Variants in PEAK1 observed in about 807,000 individuals in gnomAD.
PEAK1 encodes inactive tyrosine-protein kinase PEAK1.
PEAK1 carries 54 observed loss-of-function variants against 124.7 expected under a neutral mutation model. That is an observed-to-expected ratio of 0.43 (90% confidence interval 0.35 to 0.54). The LOEUF is 0.54. Among genes scored for constraint, PEAK1 ranks in the 20% least tolerant of loss-of-function variants. The probability of loss-of-function intolerance (pLI) is 0.01; values close to 1 mark genes in which losing one functional copy is unlikely to be tolerated. For synonymous variants in PEAK1, 719 were observed against 760.0 expected (o/e 0.95, Z 0.89); for missense variants, 2,046 against 2,134.5 (o/e 0.96, Z 0.82).
intron 1 of PEAK1, among the ~76,000 whole-genome samples, chr15:77,407,942 T>TAC (rs1372567777): frequency 5.1e-4 from 42 of 81,648 alleles, no homozygotes; most frequent in East Asian, 4.6e-3. Flanking sequence ...CACACATATA[T>TAC]ACACATATAC....
intron 5 of PEAK1, among the ~76,000 whole-genome samples, chr15:77,267,536 G>T (rs1343299360): frequency 6.6e-6 from 1 of 152,134 alleles, no homozygotes; most frequent in Non-Finnish European, 1.5e-5. Flanking sequence ...CACATCATAA[G>T]ACTCTTTGCA....
chr15:77,336,893 GAA>G (rs1156406027), intron 2 of PEAK1, among the ~76,000 whole-genome samples: 2 of 136,052 alleles, frequency 1.5e-5, no homozygotes. Context: ...AGGGCTAAAT[GAA>G]AAAAAAAAAG....
Position 77,260,182 on chromosome 15 carries a change from T to A in PEAK1, c.-274-7656A>T, listed in dbSNP as rs549066613. Among the ~76,000 whole-genome samples, 48 of 152,230 alleles carry A rather than the reference T, an allele frequency of 3.2e-4. No homozygotes were observed. In the South Asian group the frequency reaches 9.8e-3, roughly 31 times the overall value. ...TCCCCAGAAGGGACAAATCACTGAG[T>A]GAGGGGCCCTAGAATAAAGGCCACT... On this transcript the variant is annotated intron_variant, in intron 5 of 9. Transcript: ENST00000682557.
chr15:77,358,879 C>A (rs1388335239), intron 2 of PEAK1, among the ~76,000 whole-genome samples: 1 of 152,164 alleles, frequency 6.6e-6, no homozygotes, highest in Non-Finnish European at 1.5e-5. Context: ...TGTATCTATT[C>A]TATCTGAGGA....
At chr15:77,201,474 G>A (rs1333197843) in intron 6 of PEAK1, among the ~76,000 whole-genome samples, 4 of 151,882 alleles carry the variant, frequency 2.6e-5, no homozygotes, top group Non-Finnish European at 4.4e-5. Flanking sequence ...TCCTGACCTC[G>A]TGATCCTCCT....
At chr15:77,273,289 T>G (rs981796272) in intron 5 of PEAK1, among the ~76,000 whole-genome samples, 1 of 151,924 alleles carries the variant, frequency 6.6e-6, no homozygotes, top group Non-Finnish European at 1.5e-5. Flanking sequence ...GAGAAAGAAA[T>G]AAAGGGCAGC....
intron 2 of PEAK1, chr15:77,337,750 G>C: frequency 2.0e-6 from 2 of 985,328 alleles, no homozygotes; most frequent in Non-Finnish European, 2.4e-6. Context: ...ACTAGAAGAA[G>C]AGCTGGGGAG....
intron 6 of PEAK1, among the ~76,000 whole-genome samples, chr15:77,197,414 T>C (rs969271183): frequency 2.6e-5 from 4 of 152,188 alleles, no homozygotes; most frequent in African/African-American, 7.2e-5. Context: ...TTGGACATAA[T>C]TGAAAGTCCA....
chr15:77,158,321 T>C, intron 8 of PEAK1, 182 bp downstream of exon 8: 1 of 598,670 alleles, frequency 1.7e-6, no homozygotes, highest in East Asian at 2.8e-5. Context: ...TGGGTGCAGG[T>C]GTTTAATACA....
chr15:77,418,415 C>T, intron 1 of PEAK1: 1 of 985,362 alleles, frequency 1.0e-6, no homozygotes, highest in Non-Finnish European at 1.2e-6. Flanking sequence ...TTCCCTTTCC[C>T]CCCCGACAGC....
intron 6 of PEAK1, among the ~76,000 whole-genome samples, chr15:77,182,749 C>CAAAAAAAAAAAA (rs71143395): frequency 0.05 from 3,226 of 64,982 alleles, 461 homozygotes; most frequent in Non-Finnish European, 0.066. Context: ...GACCTTGTCT[C>CAAAAAAAAAAAA]AAAAAAAAAA....
chr15:77,260,488 G>T (rs1380587645), intron 5 of PEAK1, among the ~76,000 whole-genome samples: 2 of 151,892 alleles, frequency 1.3e-5, no homozygotes, highest in East Asian at 3.9e-4. Context: ...ACATTAAAAG[G>T]GCTGTAATAA....
At chr15:77,294,833 G>GT (rs34504274) in intron 2 of PEAK1, among the ~76,000 whole-genome samples, 99,617 of 151,914 alleles carry the variant, frequency 0.66, 33,607 homozygotes, top group Non-Finnish European at 0.75. Flanking sequence ...TAAACTAACT[G>GT]AACTGATATT....
At chr15:77,104,253 C>G (rs887848270), downstream of PEAK1, 2 of 152,510 alleles carry the variant, frequency 1.3e-5, no homozygotes, top group Admixed American at 6.5e-5. Flanking sequence ...GGACCAGGGC[C>G]TGGCCCAGTG....
At chr15:77,189,439 A>ACAG (rs145143746) in intron 6 of PEAK1, among the ~76,000 whole-genome samples, 42,767 of 151,412 alleles carry the variant, frequency 0.28, 6,731 homozygotes, top group Middle Eastern at 0.38. Context: ...GACAGTCCAC[A>ACAG]CAGCAGCAGC....
In PEAK1 at chr15:77,378,188, TTA is replaced by T. The variant is rs758426465; in HGVS notation, c.-665-12965_-665-12964del. On this transcript the variant is annotated intron_variant, in intron 1 of 9. Coordinates refer to ENST00000682557, the MANE Select transcript of PEAK1 (RefSeq NM_001385026.1). ...ACTGCACTGACTCTGTATAACAATATTATATATATATATATATATACATAATC... is the reference window on the plus strand; with the variant it reads ...ACTGCACTGACTCTGTATAACAATATTATATATATATATATATACATAATC... 1.7e-3 allele frequency among the ~76,000 whole-genome samples: 217 copies of T among 129,636 alleles called. 1 individual carries two copies. The East Asian group carries it at 0.017, about 10-fold the overall frequency. The allele number at this position is 129,636 out of a possible 152,430, so 85.0% of individuals were successfully genotyped here.
At position 77,313,682 on chromosome 15, in the gene PEAK1, G is replaced by GTATATATATATATATATATATA. The variant is rs1567244747; in HGVS notation, c.-602-27179_-602-27178insTATATATATATATATATATATA. Among the ~76,000 whole-genome samples, 4 of 118,610 alleles carry GTATATATATATATATATATATA rather than the reference G, an allele frequency of 3.4e-5. 1 individual carries two copies. Among genetic ancestry groups the GTATATATATATATATATATATA allele is most frequent in the Admixed American group, 1.7e-4 (2 of 11,926 alleles). The allele number at this position is 118,610 out of a possible 152,430, so 77.8% of individuals were successfully genotyped here. On this transcript the variant is annotated intron_variant, in intron 2 of 9. Transcript: ENST00000682557. ...TGTGTGTGTGTGTGTGTGTGTGTGT[G>GTATATATATATATATATATATA]TGTGTGTGTGTATATATATATATGT...
chr15:77,350,283 G>C, intron 2 of PEAK1: 3 of 985,340 alleles, frequency 3.0e-6, no homozygotes, highest in Non-Finnish European at 3.6e-6. Flanking sequence ...TGAATTAGAA[G>C]AATCAATATA....
chr15:77,365,672 G>C (rs1341999228), intron 1 of PEAK1, among the ~76,000 whole-genome samples: 1 of 151,238 alleles, frequency 6.6e-6, no homozygotes, highest in African/African-American at 2.4e-5. Flanking sequence ...CCCGGGAGGC[G>C]GAGGTTGCAG....
Sources: allele counts gnomAD v4.1 joint callset (sites outside exome capture counted in the v4.1 genomes callset), GRCh38; gene constraint gnomAD v4.1.1; transcripts MANE v1.5; gene names NCBI Gene and HGNC (gene_info 2026-07-23, HGNC 2026-07-21).